IQCJ: variants seen among roughly 807,000 people sequenced by gnomAD.
IQCJ encodes the protein IQ domain-containing protein J.
Under a neutral mutation model 11.0 loss-of-function variants are expected in IQCJ, and 9 were observed. The ratio of observed to expected loss-of-function variants is 0.82; its 90% CI spans 0.49 to 1.43. IQCJ has a LOEUF of 1.43. IQCJ is among the 40% of genes most tolerant of loss of function. The pLI is 0.00. For synonymous variants in IQCJ, 55 were observed against 51.3 expected (o/e 1.07, Z -0.31); for missense variants, 146 against 133.2 (o/e 1.10, Z -0.47).
intron 1 of IQCJ, among the ~76,000 whole-genome samples, chr3:159,166,916 A>C (rs1722198932): frequency 6.6e-6 from 1 of 152,188 alleles, no homozygotes; most frequent in Non-Finnish European, 1.5e-5. Flanking sequence ...GTTATGGGGC[A>C]TGTGTCTAAT....
chr3:159,115,804 CA>C, intron 1 of IQCJ, among the ~76,000 whole-genome samples: 1 of 152,154 alleles, frequency 6.6e-6, no homozygotes, highest in African/African-American at 2.4e-5. Flanking sequence ...CAAACTAACA[CA>C]AAAACAGAAA....
At chr3:159,174,209 T>G (rs1286113674) in intron 1 of IQCJ, among the ~76,000 whole-genome samples, 1 of 152,280 alleles carries the variant, frequency 6.6e-6, no homozygotes, top group South Asian at 2.1e-4. Context: ...GCTCCTATGC[T>G]TGTTTTATGG....
At chr3:159,127,663 G>A (rs1325825326) in intron 1 of IQCJ, among the ~76,000 whole-genome samples, 1 of 152,186 alleles carries the variant, frequency 6.6e-6, no homozygotes, top group Non-Finnish European at 1.5e-5. Flanking sequence ...ATTTAGTCGT[G>A]TTGACTGAGA....
chr3:159,245,042 A>G (rs1472514656), intron 1 of IQCJ, among the ~76,000 whole-genome samples: 2 of 152,156 alleles, frequency 1.3e-5, no homozygotes, highest in Non-Finnish European at 2.9e-5. Context: ...GCTGGGCCAC[A>G]TCCTGTCACA....
At chr3:159,233,020 G>A (rs1018750562) in intron 1 of IQCJ, among the ~76,000 whole-genome samples, 10 of 152,126 alleles carry the variant, frequency 6.6e-5, no homozygotes, top group African/African-American at 2.4e-4. Context: ...GATAATTGAG[G>A]TAATGCTGCG....
chr3:159,119,444 C>T (rs1382936641), intron 1 of IQCJ, among the ~76,000 whole-genome samples: 1 of 152,114 alleles, frequency 6.6e-6, no homozygotes, highest in African/African-American at 2.4e-5. Context: ...TTAAACGGTC[C>T]ACAAATGTTG....
At chr3:159,233,071 C>T (rs912858509) in intron 1 of IQCJ, among the ~76,000 whole-genome samples, 2 of 152,144 alleles carry the variant, frequency 1.3e-5, no homozygotes, top group Non-Finnish European at 2.9e-5. Flanking sequence ...TATTACTAAC[C>T]TTTTCTTTCT....
chr3:159,093,073 T>A (rs1287462642), intron 1 of IQCJ, among the ~76,000 whole-genome samples: 1 of 151,838 alleles, frequency 6.6e-6, no homozygotes, highest in Non-Finnish European at 1.5e-5. Flanking sequence ...TTTTATCTGC[T>A]TTTTGATTCC....
intron 1 of IQCJ, among the ~76,000 whole-genome samples, chr3:159,124,928 C>G (rs1719587518): frequency 6.6e-6 from 1 of 152,126 alleles, no homozygotes; most frequent in Non-Finnish European, 1.5e-5. Context: ...CCTCAAGAAG[C>G]ACAACATACT....
chr3:159,248,440 C>T (rs760062224), intron 2 of IQCJ, among the ~76,000 whole-genome samples: 3 of 152,156 alleles, frequency 2.0e-5, no homozygotes, highest in Admixed American at 2.0e-4. Context: ...CCACCACCAC[C>T]GTCAATAGCT....
Position 159,263,700 on chromosome 3 carries a change from T to A in IQCJ, c.*969T>A. 1 of 985,416 alleles carries A rather than the reference T, an allele frequency of 1.0e-6. No homozygotes were observed. Among genetic ancestry groups the A allele is most frequent in the South Asian group, 4.7e-5 (1 of 21,292 alleles). 61.0% of individuals were successfully genotyped at this position (985,416 alleles called of 1,614,324 possible). On this transcript the variant is annotated 3_prime_UTR_variant, in exon 4 of 4. Transcript: ENST00000397832. ...CTTTTTGGGATCAGGTAAAAGTTAC[T>A]GTATTTGAAATGTTTTCAGATGGTT... is the stretch of plus-strand genomic sequence containing the variant.
In IQCJ at chr3:159,189,526, G is replaced by A. The variant is rs558518243; in HGVS notation, c.10-56317G>A. ...CATTCTCTGGCACTAGAGGGAGATGGTGACAGGTGATTCCTGAAACTGATT... is the reference window on the plus strand; with the variant it reads ...CATTCTCTGGCACTAGAGGGAGATGATGACAGGTGATTCCTGAAACTGATT... On this transcript the variant is annotated intron_variant, in intron 1 of 3. Coordinates refer to ENST00000397832, the MANE Select transcript of IQCJ (RefSeq NM_001042706.3). 2.8e-4 allele frequency among the ~76,000 whole-genome samples: 43 copies of A among 152,270 alleles called. 1 individual carries two copies. The highest frequency in any genetic ancestry group is 1.6e-3 in the Admixed American group (24 of 15,296).
At chr3:159,193,669 A>G (rs555641237) in intron 1 of IQCJ, among the ~76,000 whole-genome samples, 1 of 152,330 alleles carries the variant, frequency 6.6e-6, no homozygotes, top group Non-Finnish European at 1.5e-5. Context: ...AATATGTGTT[A>G]ATTCCAGTCA....
intron 1 of IQCJ, among the ~76,000 whole-genome samples, chr3:159,243,379 C>T (rs1046257255): frequency 6.6e-6 from 1 of 151,998 alleles, no homozygotes; most frequent in African/African-American, 2.4e-5. Context: ...ATTAGAATGC[C>T]CATTAACAGG....
intron 1 of IQCJ, among the ~76,000 whole-genome samples, chr3:159,228,516 C>T (rs904259726): frequency 1.3e-5 from 2 of 151,852 alleles, no homozygotes; most frequent in East Asian, 2.0e-4. Flanking sequence ...CCTGGCCGGG[C>T]GCGGTGGCTC....
At chr3:159,252,936 C>A in intron 3 of IQCJ, 129 bp downstream of exon 3, 1 of 870,040 alleles carries the variant, frequency 1.1e-6, no homozygotes, top group Non-Finnish European at 1.8e-6. Context: ...ATTATTTCCT[C>A]CCTCTTCTAA....
chr3:159,189,813 T>C (rs1284265501), intron 1 of IQCJ, among the ~76,000 whole-genome samples: 1 of 152,192 alleles, frequency 6.6e-6, no homozygotes, highest in Non-Finnish European at 1.5e-5. Flanking sequence ...AGACAAACCA[T>C]GAGCACTCCT....
intron 1 of IQCJ, among the ~76,000 whole-genome samples, chr3:159,245,458 CTTTTTTTT>C (rs34153369): frequency 2.7e-5 from 3 of 113,060 alleles, no homozygotes; most frequent in Non-Finnish European, 3.6e-5. Context: ...GTCCTGAATT[CTTTTTTTT>C]TTTTTTTTTT....
intron 3 of IQCJ, among the ~76,000 whole-genome samples, chr3:159,259,562 G>A (rs753025262): frequency 6.6e-6 from 1 of 152,152 alleles, no homozygotes; most frequent in African/African-American, 2.4e-5. Context: ...TTTTACTTTA[G>A]TTCCCTCTTA....
Sources: gnomAD v4.1 joint callset for allele counts (sites outside exome capture counted in the v4.1 genomes callset) on GRCh38, gnomAD v4.1.1 for gene constraint, MANE v1.5 for transcripts, NCBI Gene and HGNC (gene_info 2026-07-23, HGNC 2026-07-21) for gene names.